The following C2orf81 variants were observed in gnomAD, a reference collection of about 807,000 sequenced individuals.
The protein encoded by C2orf81 is chromosome 2 open reading frame 81.
Under a neutral mutation model 7.9 loss-of-function variants are expected in C2orf81, and 5 were observed. The ratio of observed to expected loss-of-function variants is 0.63; its 90% CI spans 0.33 to 1.33. The LOEUF is 1.33. C2orf81 is among the 40% of genes most tolerant of loss of function. The probability of loss-of-function intolerance (pLI) is 0.05; values close to 1 mark genes in which losing one functional copy is unlikely to be tolerated. For synonymous variants in C2orf81, 346 were observed against 367.4 expected (o/e 0.94, Z 0.66); for missense variants, 781 against 830.4 (o/e 0.94, Z 0.73).
Position 74,414,849 on chromosome 2 carries a change from A to T in C2orf81, c.1328T>A (p.Phe443Tyr). The T allele has an allele frequency of 1.3e-6, 2 of 1,551,206 alleles. No homozygotes were observed. Among genetic ancestry groups the T allele is most frequent in the Non-Finnish European group, 1.7e-6 (2 of 1,146,634 alleles). ...AFFPLRPGIP[F>Y]RDLDSGPALL... ...TGCGGGGCCCGAGTCCAAGTCACGG[A>T]AAGGAATGCCTGGCCGGAGAGGGAA... Residue 443 changes from phenylalanine (F) to tyrosine (Y), a missense_variant, in exon 3 of 3, where the codon TTC (phenylalanine) becomes TAC (tyrosine). Physicochemically the swap from Phe to Tyr is conservative, Grantham distance 22 (BLOSUM62 3). Coordinates refer to ENST00000684111, the MANE Select transcript of C2orf81 (RefSeq NM_001316764.3). The surrounding 1 kb of genome is among the most constrained non-coding windows in gnomAD (Gnocchi z 5.3).
chr2:74,417,592 G>C (rs1397175538), intron 1 of C2orf81: 1 of 1,054,954 alleles, frequency 9.5e-7, no homozygotes, highest in African/African-American at 1.7e-5. Flanking sequence ...GACAAAGACA[G>C]TTTGGCTGGG....
In C2orf81 at chr2:74,414,776, C is replaced by A. The variant is rs765170821; in HGVS notation, c.1401G>T (p.Glu467Asp). Residue 467 changes from glutamate to aspartate, a missense_variant, in exon 3 of 3, where the codon GAG becomes GAT. Glu to Asp is a conservative substitution (Grantham distance 45). Coordinates refer to ENST00000684111, the MANE Select transcript of C2orf81 (RefSeq NM_001316764.3). This position sits in a 1 kb window ranked among gnomAD's most constrained non-coding sequence, Gnocchi z 5.3. ...TGGAGTTTGGGAGTGGCAGCTTTGA[C>A]TCGAGGGATGGCGACGATAGGCCTA... ...LNLGLSSPSL[E>D]SKLPLPNSRI... 4 of 1,551,430 alleles carry A rather than the reference C, an allele frequency of 2.6e-6. No homozygotes were observed. In the South Asian group the frequency reaches 4.8e-5, roughly 18 times the overall value.
chr2:74,415,363 C>A lies in C2orf81; in HGVS notation c.814G>T (p.Ala272Ser). ...AGGTACGGATCCAGAGAAGGGTCGGCATCGTCGGCAGGCGCCTCCTCCACC... is the reference window on the plus strand; with the variant it reads ...AGGTACGGATCCAGAGAAGGGTCGGAATCGTCGGCAGGCGCCTCCTCCACC... ...LSVEEAPADD[A>S]DPSLDPYLVA... Residue 272 changes from alanine (A) to serine (S), a missense_variant, in exon 3 of 3, where the codon GCC (alanine) becomes TCC (serine). Physicochemically the swap from Ala to Ser is moderately conservative, Grantham distance 99 (BLOSUM62 1). Coordinates refer to ENST00000684111, the MANE Select transcript of C2orf81 (RefSeq NM_001316764.3). This position sits in a 1 kb window ranked among gnomAD's most constrained non-coding sequence, Gnocchi z 5.5. 1 of 1,513,528 alleles carries A rather than the reference C, an allele frequency of 6.6e-7. No homozygotes were observed. Among genetic ancestry groups the A allele is most frequent in the Non-Finnish European group, 8.9e-7 (1 of 1,124,930 alleles). 93.8% of individuals were successfully genotyped at this position (1,513,528 alleles called of 1,614,324 possible).
At position 74,416,020 on chromosome 2, in the gene C2orf81, C is replaced by G. The variant is rs1160554788; in HGVS notation, c.240G>C (p.Leu80=). The G allele has an allele frequency of 1.0e-5, 16 of 1,550,156 alleles. No homozygotes were observed. The highest frequency in any genetic ancestry group is 1.3e-5 in the Non-Finnish European group (15 of 1,146,912). ...CCGGATCCCGGCCCACCTGCTGAGTCAGGTAGACTTTGAAAGCAGAGTCCA... is the reference window on the plus strand; with the variant it reads ...CCGGATCCCGGCCCACCTGCTGAGTGAGGTAGACTTTGAAAGCAGAGTCCA... The part of the protein sequence containing the change: ...RVMDSAFKVY[L]TQQCIPFTIS... Residue 80 remains leucine (L), a synonymous_variant, in exon 2 of 3, where the codon CTG becomes CTC. Transcript: ENST00000684111.
At chr2:74,417,131 G>C (rs1676489687) in intron 1 of C2orf81, among the ~76,000 whole-genome samples, 1 of 152,264 alleles carries the variant, frequency 6.6e-6, no homozygotes, top group Non-Finnish European at 1.5e-5. Context: ...AGCAATGACA[G>C]ATGTCAAAGA....
intron 1 of C2orf81, among the ~76,000 whole-genome samples, chr2:74,420,330 A>G (rs1241176106): frequency 3.3e-5 from 5 of 151,640 alleles, no homozygotes; most frequent in Non-Finnish European, 7.4e-5. Flanking sequence ...CTTTAGAGAC[A>G]TAAAAAGTTT....
rs909590184 is a variant in C2orf81 at position 74,414,941 on chromosome 2, C to G, written c.1236G>C (p.Glu412Asp). The change falls in exon 3 of 3, where the codon GAG becomes GAC. Residue 412 changes from glutamate (E) to aspartate (D), a missense_variant. Coordinates refer to ENST00000684111, the MANE Select transcript of C2orf81 (RefSeq NM_001316764.3). The surrounding 1 kb of genome is among the most constrained non-coding windows in gnomAD (Gnocchi z 5.3). ...GGGGTTCGGCCCGGGCCTTGGTCTT[C>G]TCGCCCCGCTGGCGTCCGCGGTAGG... ...LEAYRGRQRG[E>D]KTKARAEPQA... 1 of 1,545,880 alleles carries G rather than the reference C, an allele frequency of 6.5e-7. No individual in the cohort carries two copies. Among genetic ancestry groups the G allele is most frequent in the African/African-American group, 1.4e-5 (1 of 72,938 alleles).
Position 74,416,239 on chromosome 2 carries a change from C to CCT in C2orf81, c.19_20dup (p.Gln8GlyfsTer11). ...CGCGGTCTCGGACCTGCCTCTCCTGCCTCTGTGAGAACAAAACATGGCAAT... is the reference window on the plus strand; with the variant it reads ...CGCGGTCTCGGACCTGCCTCTCCTGCCTCTCTGTGAGAACAAAACATGGCAAT... On this transcript the variant is annotated frameshift_variant and splice_region_variant, in exon 2 of 3. Coordinates refer to ENST00000684111, the MANE Select transcript of C2orf81 (RefSeq NM_001316764.3). LOFTEE classifies it high-confidence loss of function. 2 of 1,363,372 alleles carry CCT rather than the reference C, an allele frequency of 1.5e-6. No homozygotes were observed. Among genetic ancestry groups the CCT allele is most frequent in the Non-Finnish European group, 1.9e-6 (2 of 1,033,076 alleles). 84.5% of individuals were successfully genotyped at this position (1,363,372 alleles called of 1,614,324 possible). A position where few individuals can be genotyped will look rare whatever the true frequency, so the allele number is the denominator to read the frequency against.
In C2orf81 at chr2:74,414,562, G is replaced by T; in HGVS notation, c.1615C>A (p.Pro539Thr). Residue 539 changes from proline to threonine, a missense_variant, in exon 3 of 3, where the codon CCT becomes ACT. Pro to Thr is a conservative substitution (Grantham distance 38). Transcript: ENST00000684111. This position sits in a 1 kb window ranked among gnomAD's most constrained non-coding sequence, Gnocchi z 5.3. ...GGTGTGGTTCGAGGCCATCTGCCAG[G>T]ATCCTGGCCCTCCCTGTCTGCCAGC... The part of the protein sequence containing the change: ...LELADREGQD[P>T]GRWPRTTPPV... 1 of 1,541,198 alleles carries T rather than the reference G, an allele frequency of 6.5e-7. No individual in the cohort carries two copies.
intron 1 of C2orf81, chr2:74,417,766 G>A (rs578189213): frequency 5.9e-6 from 3 of 509,586 alleles, no homozygotes; most frequent in African/African-American, 3.9e-5. Context: ...GAGCAGAGAA[G>A]TGGCTCCCAA....
At chr2:74,418,767 G>A (rs919312976) in intron 1 of C2orf81, among the ~76,000 whole-genome samples, 6 of 151,956 alleles carry the variant, frequency 3.9e-5, no homozygotes, top group Non-Finnish European at 8.8e-5. Flanking sequence ...CATACAAGTA[G>A]GATGTAGTGA....
intron 1 of C2orf81, among the ~76,000 whole-genome samples, chr2:74,419,392 A>G (rs548923469): frequency 6.6e-6 from 1 of 152,342 alleles, no homozygotes; most frequent in African/African-American, 2.4e-5. Flanking sequence ...AGCAAAGGAC[A>G]TGACATTTCA....
In C2orf81 at chr2:74,416,004, G is replaced by A; in HGVS notation, c.249+7C>T. On this transcript the variant is annotated splice_region_variant and intron_variant, in intron 2 of 2. Transcript: ENST00000684111. ...GACGAGTCTGAAGGACCCGGATCCCGGCCCACCTGCTGAGTCAGGTAGACT... is the reference window on the plus strand; with the variant it reads ...GACGAGTCTGAAGGACCCGGATCCCAGCCCACCTGCTGAGTCAGGTAGACT... The A allele has an allele frequency of 6.5e-7, 1 of 1,549,908 alleles. No individual in the cohort carries two copies. Among genetic ancestry groups the A allele is most frequent in the Non-Finnish European group, 8.7e-7 (1 of 1,146,704 alleles).
intron 1 of C2orf81, chr2:74,418,331 T>G: frequency 6.2e-7 from 1 of 1,604,508 alleles, no homozygotes; most frequent in Non-Finnish European, 8.5e-7. Flanking sequence ...AGCGCTGTCC[T>G]GGGACTCACC....
intron 1 of C2orf81, chr2:74,417,603 G>T (rs971908520): frequency 3.9e-6 from 4 of 1,038,722 alleles, no homozygotes; most frequent in Admixed American, 3.2e-5. Flanking sequence ...TTTGGCTGGG[G>T]GAATCCTGGG....
intron 1 of C2orf81, chr2:74,418,295 C>T (rs758612630): frequency 1.9e-6 from 3 of 1,608,304 alleles, no homozygotes; most frequent in South Asian, 2.2e-5. Flanking sequence ...GTTGGCACTT[C>T]GCTGAGCTCC....
chr2:74,415,548 T>A lies in C2orf81; in HGVS notation c.629A>T (p.Glu210Val). 1.3e-6 allele frequency: 2 copies of A among 1,549,442 alleles called. No homozygotes were observed. Among genetic ancestry groups the A allele is most frequent in the Non-Finnish European group, 1.7e-6 (2 of 1,145,548 alleles). ...WMGRGSQEQM[E>V]SWEPSPQLRV... ...CAGCTGCGGAGAAGGCTCCCAAGAT[T>A]CCATCTGCTCCTGGGAGCCTCGACC... is the stretch of plus-strand genomic sequence containing the variant. Residue 210 changes from glutamate to valine, a missense_variant, in exon 3 of 3, where the codon GAA (glutamate) becomes GTA (valine). Transcript: ENST00000684111. The surrounding 1 kb of genome is among the most constrained non-coding windows in gnomAD (Gnocchi z 5.5).
rs1442940457 is a variant in C2orf81 at position 74,415,313 on chromosome 2, A to T, written c.864T>A (p.Thr288=). 1.3e-6 allele frequency: 2 copies of T among 1,548,482 alleles called. No individual in the cohort carries two copies. The highest frequency in any genetic ancestry group is 1.4e-5 in the African/African-American group (1 of 72,984). ...GGAAGCCGAGGGGGTGTCCCCTCCCAGTTGAGGCCTGGGGGCTGGCTACCA... is the reference window on the plus strand; with the variant it reads ...GGAAGCCGAGGGGGTGTCCCCTCCCTGTTGAGGCCTGGGGGCTGGCTACCA... The part of the protein sequence containing the change: ...PYLVASPQAS[T]GRGHPLGFHL... Residue 288 remains threonine (T), a synonymous_variant, in exon 3 of 3, where the codon ACT becomes ACA. Coordinates refer to ENST00000684111, the MANE Select transcript of C2orf81 (RefSeq NM_001316764.3). The surrounding 1 kb of genome is among the most constrained non-coding windows in gnomAD (Gnocchi z 5.5).
intron 1 of C2orf81, chr2:74,418,038 G>C: frequency 1.9e-6 from 1 of 522,542 alleles, no homozygotes; most frequent in Non-Finnish European, 3.5e-6. Flanking sequence ...TGGAGGCGGT[G>C]GTGATGGTGG....
Sources: allele counts gnomAD v4.1 joint callset (sites outside exome capture counted in the v4.1 genomes callset), GRCh38; gene constraint gnomAD v4.1.1; non-coding constraint Gnocchi (gnomAD v3.1); transcripts MANE v1.5; gene names NCBI Gene and HGNC (gene_info 2026-07-23, HGNC 2026-07-21).